The following SPTAN1 variants were observed in gnomAD, a reference collection of about 807,000 sequenced individuals.
The protein encoded by SPTAN1 is spectrin alpha, non-erythrocytic 1, also known as spectrin alpha chain, non-erythrocytic 1.
In SPTAN1, 61 loss-of-function variants were observed where a neutral mutation model predicts 331.3. That is an observed-to-expected ratio of 0.18 (90% CI 0.15 to 0.23). SPTAN1 has a LOEUF of 0.23. SPTAN1 is among the 10% of genes least tolerant of loss of function. The pLI, the probability that SPTAN1 is intolerant of heterozygous loss-of-function variation, is 1.00. For synonymous variants in SPTAN1, 1,153 were observed against 1,173.9 expected (o/e 0.98, Z 0.36); for missense variants, 2,043 against 3,147.9 (o/e 0.65, Z 8.40).
chr9:128,563,296 C>T (rs1163628025), intron 1 of SPTAN1, among the ~76,000 whole-genome samples: 1 of 151,606 alleles, frequency 6.6e-6, no homozygotes, highest in Non-Finnish European at 1.5e-5. Flanking sequence ...CCTGCCTGTA[C>T]TCCTAGCTAC....
At chr9:128,575,614 TA>T (rs1342548051) in intron 5 of SPTAN1, among the ~76,000 whole-genome samples, 1 of 152,218 alleles carries the variant, frequency 6.6e-6, no homozygotes, top group Non-Finnish European at 1.5e-5. Flanking sequence ...GTGAAGCTTT[TA>T]TTGGACTGCT....
intron 3 of SPTAN1, among the ~76,000 whole-genome samples, chr9:128,570,790 A>AG (rs1850625208): frequency 6.6e-6 from 1 of 151,834 alleles, no homozygotes; most frequent in Non-Finnish European, 1.5e-5. Flanking sequence ...CCGAGTAGCT[A>AG]GGATTACAGG....
chr9:128,593,515 A>T (rs188005683), intron 23 of SPTAN1: 1 of 206,640 alleles, frequency 4.8e-6, no homozygotes, highest in East Asian at 1.2e-4. Context: ...GTTCAAAGAT[A>T]ATATTTCAGC....
Position 128,627,759 on chromosome 9 carries a change from G to A in SPTAN1, c.6690-166G>A. The A allele has an allele frequency of 1.0e-6, 1 of 957,370 alleles. No individual in the cohort carries two copies. The highest frequency in any genetic ancestry group is 1.7e-6 in the Non-Finnish European group (1 of 590,048). 59.3% of individuals were successfully genotyped at this position (957,370 alleles called of 1,614,324 possible). A position where few individuals can be genotyped will look rare whatever the true frequency, so the allele number is the denominator to read the frequency against. On this transcript the variant is annotated intron_variant, in intron 50 of 56. Coordinates refer to ENST00000372739, the MANE Select transcript of SPTAN1 (RefSeq NM_001130438.3). The surrounding 1 kb of genome is among the most constrained non-coding windows in gnomAD (Gnocchi z 4.9). ...TGGGACCATGCAGGGCGCGTGGTCAGCCCCAGCCATGACTTGGTGACAGAC... is the reference window on the plus strand; with the variant it reads ...TGGGACCATGCAGGGCGCGTGGTCAACCCCAGCCATGACTTGGTGACAGAC...
chr9:128,564,420 GAAA>G (rs112177902), intron 1 of SPTAN1, among the ~76,000 whole-genome samples: 3 of 134,510 alleles, frequency 2.2e-5, no homozygotes, highest in Non-Finnish European at 4.8e-5. Flanking sequence ...GTCCTTCTCA[GAAA>G]AAAAAAAAAA....
chr9:128,599,997 A>ACTAGAGTCATT, intron 26 of SPTAN1, 83 bp from the exon 27 acceptor site: 4 of 1,424,398 alleles, frequency 2.8e-6, no homozygotes, highest in Non-Finnish European at 4.0e-6. Flanking sequence ...CCTGGGGGAA[A>ACTAGAGTCATT]CTAGAGTCAT....
intron 1 of SPTAN1, among the ~76,000 whole-genome samples, chr9:128,563,589 A>G (rs998679496): frequency 2.6e-5 from 4 of 152,124 alleles, no homozygotes; most frequent in Non-Finnish European, 5.9e-5. Context: ...TAGAATTCCA[A>G]TTTTACAATA....
Position 128,579,747 on chromosome 9 carries a change from A to G in SPTAN1, c.1323+9A>G. On this transcript the variant is annotated intron_variant, in intron 10 of 56. Transcript: ENST00000372739. ...ATGAAGTGAGGGAGAAGGTAAGAGAAGAGAAATGGAGCTTTTGAGGAGCAA... is the reference window on the plus strand; with the variant it reads ...ATGAAGTGAGGGAGAAGGTAAGAGAGGAGAAATGGAGCTTTTGAGGAGCAA... 6.2e-7 allele frequency: 1 copy of G among 1,610,476 alleles called. No individual in the cohort carries two copies. The highest frequency in any genetic ancestry group is 1.1e-5 in the South Asian group (1 of 90,940).
chr9:128,566,562 G>A (rs1053091182), intron 1 of SPTAN1, among the ~76,000 whole-genome samples, 176 bp from the exon 2 acceptor site: 4 of 152,118 alleles, frequency 2.6e-5, no homozygotes, highest in African/African-American at 7.2e-5. Context: ...ATGGATGGCC[G>A]TTTTTAATAA....
At position 128,577,554 on chromosome 9, in the gene SPTAN1, T is replaced by C. The variant is rs759466862; in HGVS notation, c.1085+48T>C. ...TAACCAGTATCATTTGGCTTCTTTT[T>C]TGGAAGCAGGAATAGCAGAGTTAAG... On this transcript the variant is annotated intron_variant, in intron 8 of 56. Transcript: ENST00000372739. This position sits in a 1 kb window ranked among gnomAD's most constrained non-coding sequence, Gnocchi z 4.2. 15 of 1,611,036 alleles carry C rather than the reference T, an allele frequency of 9.3e-6. No individual in the cohort carries two copies. The highest frequency in any genetic ancestry group is 1.3e-5 in the Non-Finnish European group (15 of 1,179,476).
At chr9:128,583,630 C>T (rs1304009049) in intron 15 of SPTAN1, among the ~76,000 whole-genome samples, 158 bp from the exon 16 acceptor site, 1 of 152,142 alleles carries the variant, frequency 6.6e-6, no homozygotes, top group East Asian at 1.9e-4. Flanking sequence ...GAAGGTAGAG[C>T]AGAGGCTGCA....
At chr9:128,631,773 T>C (rs1302766390) in intron 52 of SPTAN1, 6 of 285,100 alleles carry the variant, frequency 2.1e-5, no homozygotes, top group East Asian at 9.3e-5. Context: ...GTGAGCGTGA[T>C]TGCGCCACTG....
chr9:128,553,846 T>C lies in SPTAN1; in HGVS notation c.-4+1150T>C, dbSNP rs968958637. 3.3e-5 allele frequency among the ~76,000 whole-genome samples: 5 copies of C among 152,168 alleles called. No homozygotes were observed. The South Asian group carries it at 8.3e-4, about 25-fold the overall frequency. ...GAGGCCATATGAAGTATTTTCATAA[T>C]GTGTTGAGAAATTGCGTCGTCATAG... On this transcript the variant is annotated intron_variant, in intron 1 of 56. Coordinates refer to ENST00000372739, the MANE Select transcript of SPTAN1 (RefSeq NM_001130438.3).
At chr9:128,581,113 G>T (rs1468542876) in intron 11 of SPTAN1, 54 bp downstream of exon 11, 11 of 1,610,402 alleles carry the variant, frequency 6.8e-6, no homozygotes, top group Non-Finnish European at 8.5e-6. Flanking sequence ...CCTGTGTTTT[G>T]CCTCCTCGGG....
Position 128,627,298 on chromosome 9 carries a change from G to GCCA in SPTAN1, c.6577-79_6577-77dup. On this transcript the variant is annotated intron_variant, in intron 49 of 56. Coordinates refer to ENST00000372739, the MANE Select transcript of SPTAN1 (RefSeq NM_001130438.3). This position sits in a 1 kb window ranked among gnomAD's most constrained non-coding sequence, Gnocchi z 4.9. The stretch of plus-strand genomic sequence containing the variant: ...CTTTGGGGAGGTTCCTTGTGGGGAG[G>GCCA]CCACCACCACCCTGAGCCCATCTGT... 8.1e-7 allele frequency: 1 copy of GCCA among 1,228,840 alleles called. No individual in the cohort carries two copies. Among genetic ancestry groups the GCCA allele is most frequent in the East Asian group, 2.6e-5 (1 of 39,118 alleles). 76.1% of individuals were successfully genotyped at this position (1,228,840 alleles called of 1,614,324 possible).
At position 128,577,086 on chromosome 9, in the gene SPTAN1, G is replaced by A. The variant is rs994654652; in HGVS notation, c.786-43G>A. ...CCCATGGGGTGTTCCTAGTTCTAGG[G>A]AGTCATCATTGCTGTGGATTAACTG... On this transcript the variant is annotated intron_variant, in intron 6 of 56. Coordinates refer to ENST00000372739, the MANE Select transcript of SPTAN1 (RefSeq NM_001130438.3). This position sits in a 1 kb window ranked among gnomAD's most constrained non-coding sequence, Gnocchi z 4.2. The A allele has an allele frequency of 1.2e-6, 2 of 1,614,098 alleles. No individual in the cohort carries two copies. The highest frequency in any genetic ancestry group is 1.6e-4 in the Middle Eastern group (1 of 6,062).
At position 128,584,278 on chromosome 9, in the gene SPTAN1, C is replaced by T; in HGVS notation, c.2194-4C>T. Reference sequence around the variant, plus strand: ...AAGTCTGCTCTGTCCTTTTGCATTCCCAGGACCGAATTGATGGCATCACCA... The same window carrying T: ...AAGTCTGCTCTGTCCTTTTGCATTCTCAGGACCGAATTGATGGCATCACCA... On this transcript the variant is annotated splice_region_variant and splice_polypyrimidine_tract_variant and intron_variant, in intron 16 of 56. Transcript: ENST00000372739. 1 of 1,614,124 alleles carries T rather than the reference C, an allele frequency of 6.2e-7. No homozygotes were observed.
At chr9:128,604,691 G>C (rs1443206871) in intron 29 of SPTAN1, among the ~76,000 whole-genome samples, 1 of 152,168 alleles carries the variant, frequency 6.6e-6, no homozygotes, top group Non-Finnish European at 1.5e-5. Context: ...CAGCACTTTG[G>C]GAGGCCAAGG....
intron 44 of SPTAN1, 69 bp downstream of exon 44, chr9:128,619,072 G>T: frequency 6.2e-7 from 1 of 1,607,886 alleles, no homozygotes; most frequent in East Asian, 2.2e-5. Flanking sequence ...TCATTTCCCT[G>T]TTGGTTTGTT....
Sources: gnomAD v4.1 joint callset for allele counts (sites outside exome capture counted in the v4.1 genomes callset) on GRCh38, gnomAD v4.1.1 for gene constraint, Gnocchi (gnomAD v3.1) non-coding constraint, MANE v1.5 for transcripts, NCBI Gene and HGNC (gene_info 2026-07-23, HGNC 2026-07-21) for gene names.